PPARGC1A: variants seen among roughly 807,000 people sequenced by gnomAD.
PPARGC1A encodes the protein PPARG coactivator 1 alpha.
Under a neutral mutation model 88.7 loss-of-function variants are expected in PPARGC1A, and 25 were observed. The ratio of observed to expected loss-of-function variants is 0.28; its 90% CI spans 0.21 to 0.39. PPARGC1A has a LOEUF of 0.39. Ranked by LOEUF, PPARGC1A falls within the 10% of genes least tolerant of loss-of-function variation. The pLI is 1.00. For synonymous variants in PPARGC1A, 363 were observed against 355.6 expected (o/e 1.02, Z -0.24); for missense variants, 880 against 968.7 (o/e 0.91, Z 1.22).
the PPARGC1A span, among the ~76,000 whole-genome samples, chr4:24,027,598 T>C: frequency 6.6e-6 from 1 of 152,188 alleles, no homozygotes; most frequent in Admixed American, 6.5e-5. Flanking sequence ...CTGTGGGGTT[T>C]CTATGTACTC....
the PPARGC1A span, among the ~76,000 whole-genome samples, chr4:24,464,567 A>G: frequency 6.6e-6 from 1 of 152,144 alleles, no homozygotes; most frequent in Non-Finnish European, 1.5e-5. Context: ...CAACCAACAC[A>G]CTTTCTAATA....
At chr4:24,462,599 A>G in the PPARGC1A span, among the ~76,000 whole-genome samples, 3 of 152,016 alleles carry the variant, frequency 2.0e-5, no homozygotes, top group Admixed American at 6.6e-5. Context: ...ATGGAATACT[A>G]ATAATAGTAC....
chr4:24,098,456 G>C, the PPARGC1A span, among the ~76,000 whole-genome samples: 4,313 of 152,180 alleles, frequency 0.028, 199 homozygotes, highest in African/African-American at 0.097. Flanking sequence ...CAGTTGTATG[G>C]AATAAGAAAG....
the PPARGC1A span, among the ~76,000 whole-genome samples, chr4:23,913,508 A>T: frequency 6.6e-6 from 1 of 152,050 alleles, no homozygotes; most frequent in Middle Eastern, 3.4e-3. Context: ...CAACTGGTGA[A>T]ATGTGTAAAA....
At chr4:24,176,811 G>A in the PPARGC1A span, among the ~76,000 whole-genome samples, 1 of 152,112 alleles carries the variant, frequency 6.6e-6, no homozygotes, top group Non-Finnish European at 1.5e-5. Context: ...GGGGGTGCAG[G>A]CAAAAACCTC....
At chr4:24,287,772 A>G in the PPARGC1A span, among the ~76,000 whole-genome samples, 9 of 152,252 alleles carry the variant, frequency 5.9e-5, no homozygotes, top group African/African-American at 2.2e-4. Flanking sequence ...AGAAATGGTC[A>G]TATTATACCA....
chr4:24,258,096 G>T, the PPARGC1A span: 9 of 381,352 alleles, frequency 2.4e-5, no homozygotes, highest in Non-Finnish European at 3.2e-5. Flanking sequence ...TCAATATCTG[G>T]GTGTGAAACT....
At chr4:24,433,431 G>A in the PPARGC1A span, among the ~76,000 whole-genome samples, 1 of 151,988 alleles carries the variant, frequency 6.6e-6, no homozygotes, top group South Asian at 2.1e-4. Context: ...TAGGTTACTG[G>A]GTTTTATTCC....
the PPARGC1A span, among the ~76,000 whole-genome samples, chr4:23,955,567 G>A: frequency 9.3e-4 from 141 of 152,154 alleles, no homozygotes; most frequent in African/African-American, 3.2e-3. Context: ...TACAGTGAAC[G>A]TTCAGGAAAG....
chr4:24,326,042 C>CT, the PPARGC1A span, among the ~76,000 whole-genome samples: 4 of 152,132 alleles, frequency 2.6e-5, no homozygotes, highest in African/African-American at 9.7e-5. Flanking sequence ...CATTGATGCC[C>CT]TTCTTCCCAA....
At chr4:24,422,628 GA>G in the PPARGC1A span, among the ~76,000 whole-genome samples, 51,347 of 116,018 alleles carry the variant, frequency 0.44, 8,996 homozygotes, top group African/African-American at 0.53. Context: ...CTTTAAAAAT[GA>G]AAAAAAAAAA....
the PPARGC1A span, among the ~76,000 whole-genome samples, chr4:24,115,878 A>G: frequency 6.6e-6 from 1 of 152,138 alleles, no homozygotes; most frequent in Non-Finnish European, 1.5e-5. Context: ...TTCACTTTAC[A>G]TTGATTTTTA....
At chr4:23,855,152 C>A (rs544311832) in intron 2 of PPARGC1A, among the ~76,000 whole-genome samples, 106 of 152,086 alleles carry the variant, frequency 7.0e-4, no homozygotes, top group Non-Finnish European at 1.4e-3. Flanking sequence ...GTAGGATGTG[C>A]CTTTCACCTC....
the PPARGC1A span, among the ~76,000 whole-genome samples, chr4:24,370,581 G>A: frequency 6.6e-6 from 1 of 151,940 alleles, no homozygotes; most frequent in Non-Finnish European, 1.5e-5. Context: ...CCAGGCAAAG[G>A]CATCTGGCTT....
chr4:24,416,861 T>A, the PPARGC1A span, among the ~76,000 whole-genome samples: 2 of 151,914 alleles, frequency 1.3e-5, no homozygotes, highest in Non-Finnish European at 2.9e-5. Flanking sequence ...CCAAACCCCG[T>A]CTCTACTAAA....
the PPARGC1A span, among the ~76,000 whole-genome samples, chr4:24,240,414 C>T: frequency 6.6e-6 from 1 of 152,150 alleles, no homozygotes; most frequent in Non-Finnish European, 1.5e-5. Context: ...AGGGAGAAGC[C>T]ATGTTTCATG....
At chr4:24,423,609 TTTGAG>T in the PPARGC1A span, among the ~76,000 whole-genome samples, 2 of 152,144 alleles carry the variant, frequency 1.3e-5, no homozygotes, top group South Asian at 4.1e-4. Flanking sequence ...ATATAAAAAG[TTTGAG>T]TTGAGTTTTT....
the PPARGC1A span, among the ~76,000 whole-genome samples, chr4:24,190,873 C>T: frequency 1.3e-5 from 2 of 152,296 alleles, no homozygotes; most frequent in East Asian, 3.9e-4. Context: ...AGCTGCAGCC[C>T]CTCAAGAGGA....
the PPARGC1A span, among the ~76,000 whole-genome samples, chr4:24,050,488 G>A: frequency 7.2e-5 from 11 of 151,930 alleles, no homozygotes; most frequent in Admixed American, 2.6e-4. Context: ...GAGCTACTGC[G>A]CCTGGCTTTT....
Sources: gnomAD v4.1 joint callset for allele counts (sites outside exome capture counted in the v4.1 genomes callset) on GRCh38, gnomAD v4.1.1 for gene constraint, MANE v1.5 for transcripts, NCBI Gene and HGNC (gene_info 2026-07-23, HGNC 2026-07-21) for gene names.